Variants in CPNE4 observed in about 807,000 individuals in gnomAD.
CPNE4 encodes copine 4, also known as copine-4.
A neutral mutation model predicts 67.9 loss-of-function variants in CPNE4; 25 were observed. That is an observed-to-expected ratio of 0.37 (90% confidence interval 0.27 to 0.51). The LOEUF is 0.51. Ranked by LOEUF, CPNE4 falls within the 20% of genes least tolerant of loss-of-function variation. The pLI is 0.93. For synonymous variants in CPNE4, 242 were observed against 244.9 expected, an observed-to-expected ratio of 0.99 and a Z score of 0.11; for missense variants, 464 against 690.8, an observed-to-expected ratio of 0.67 and a Z score of 3.68.
intron 2 of CPNE4, among the ~76,000 whole-genome samples, chr3:131,736,888 T>C (rs1443031672): frequency 6.6e-6 from 1 of 152,190 alleles, no homozygotes; most frequent in East Asian, 1.9e-4. Flanking sequence ...TCCTGATAAA[T>C]AAACAGGATT....
chr3:131,642,652 C>T (rs1440431592), intron 7 of CPNE4, among the ~76,000 whole-genome samples: 4 of 152,074 alleles, frequency 2.6e-5, no homozygotes, highest in Non-Finnish European at 5.9e-5. Flanking sequence ...GCAGTTACCC[C>T]CATGCTGCTG....
At chr3:131,944,770 G>A (rs1280674517) in intron 1 of CPNE4, among the ~76,000 whole-genome samples, 1 of 151,674 alleles carries the variant, frequency 6.6e-6, no homozygotes, top group Admixed American at 6.6e-5. Context: ...TTTCAGTGCT[G>A]GAAGTGTATA....
chr3:131,938,235 T>C (rs991227605), intron 1 of CPNE4, among the ~76,000 whole-genome samples: 1 of 151,972 alleles, frequency 6.6e-6, no homozygotes, highest in African/African-American at 2.4e-5. Context: ...TGTGCATATG[T>C]AGTCTCAGTT....
intron 2 of CPNE4, among the ~76,000 whole-genome samples, chr3:131,880,790 C>T (rs2087644683): frequency 6.6e-6 from 1 of 152,208 alleles, no homozygotes. Flanking sequence ...ACATTGCAAA[C>T]ATTAAGTACC....
intron 7 of CPNE4, among the ~76,000 whole-genome samples, chr3:131,599,074 C>T (rs909832976): frequency 1.3e-5 from 2 of 152,068 alleles, no homozygotes; most frequent in Non-Finnish European, 2.9e-5. Context: ...AGCTCTTAGG[C>T]AAATACATAT....
chr3:131,557,446 C>G (rs2107654092), intron 11 of CPNE4, among the ~76,000 whole-genome samples: 1 of 152,148 alleles, frequency 6.6e-6, no homozygotes, highest in South Asian at 2.1e-4. Flanking sequence ...TGATTAAGAG[C>G]TCATTACTAG....
chr3:131,542,634 C>T lies in CPNE4; in HGVS notation c.1462G>A (p.Gly488Arg), dbSNP rs1383463743. The T allele has an allele frequency of 4.3e-6, 7 of 1,614,080 alleles. No individual in the cohort carries two copies. ...SDMQMLDGDDGILRSPKGEPV... is the reference protein window; with the variant it reads ...SDMQMLDGDDRILRSPKGEPV... Reference sequence around the variant, plus strand: ...TCTCCCTTGGGTGACCTCAGAATCCCATCATCACCGTCCAGCATCTGCATG... The same window carrying T: ...TCTCCCTTGGGTGACCTCAGAATCCTATCATCACCGTCCAGCATCTGCATG... Residue 488 changes from glycine to arginine, a missense_variant, in exon 15 of 16, where the codon GGG becomes AGG. Gly to Arg is a moderately radical substitution (Grantham distance 125). Coordinates refer to ENST00000429747, the MANE Select transcript of CPNE4 (RefSeq NM_130808.3).
At chr3:131,567,305 T>C (rs1937108653) in intron 10 of CPNE4, among the ~76,000 whole-genome samples, 1 of 152,100 alleles carries the variant, frequency 6.6e-6, no homozygotes, top group East Asian at 1.9e-4. Context: ...AGTGGCAGCA[T>C]CTGAGCCAGA....
Position 131,696,633 on chromosome 3 carries a change from A to G in CPNE4, c.433-17T>C. ...AGCAATCACCTAAAGGAAAAAGCAC[A>G]CATCAGCTGCAATAGAGGGTGAACT... On this transcript the variant is annotated splice_polypyrimidine_tract_variant and intron_variant, in intron 4 of 15. Transcript: ENST00000429747. 9.3e-6 allele frequency: 15 copies of G among 1,612,720 alleles called. No individual in the cohort carries two copies. Among genetic ancestry groups the G allele is most frequent in the Non-Finnish European group, 1.3e-5 (15 of 1,178,730 alleles).
chr3:131,599,846 C>T (rs1253041682), intron 7 of CPNE4, among the ~76,000 whole-genome samples: 3 of 152,212 alleles, frequency 2.0e-5, no homozygotes, highest in African/African-American at 7.2e-5. Flanking sequence ...TCCCCAGGCT[C>T]TGTCTCCACA....
chr3:131,840,211 CAATT>C (rs2085720167), intron 2 of CPNE4, among the ~76,000 whole-genome samples: 1 of 152,156 alleles, frequency 6.6e-6, no homozygotes, highest in Non-Finnish European at 1.5e-5. Flanking sequence ...ATAATTTTCT[CAATT>C]AGTTTCCAAT....
chr3:131,972,296 A>C (rs1024493686), intron 1 of CPNE4, among the ~76,000 whole-genome samples: 3 of 152,140 alleles, frequency 2.0e-5, no homozygotes, highest in Non-Finnish European at 4.4e-5. Flanking sequence ...TATGACTGAA[A>C]GTCTATAGTT....
At chr3:131,620,528 T>A (rs975291331) in intron 7 of CPNE4, 11 of 896,996 alleles carry the variant, frequency 1.2e-5, no homozygotes, top group South Asian at 1.0e-4. Context: ...TCCTCAAGTA[T>A]GTCCATACCC....
chr3:131,754,659 C>T (rs561358326), intron 2 of CPNE4, among the ~76,000 whole-genome samples: 1 of 152,164 alleles, frequency 6.6e-6, no homozygotes, highest in East Asian at 1.9e-4. Context: ...AAATGTGTAA[C>T]ACTGAACCTG....
At chr3:131,569,535 G>T (rs1338245333) in intron 10 of CPNE4, among the ~76,000 whole-genome samples, 1 of 151,816 alleles carries the variant, frequency 6.6e-6, no homozygotes, top group Non-Finnish European at 1.5e-5. Flanking sequence ...CTACTCAGGA[G>T]GCTGAGGCAA....
chr3:131,762,651 C>T lies in CPNE4; in HGVS notation c.181-39026G>A, dbSNP rs79948095. Among the ~76,000 whole-genome samples, 998 of 152,150 alleles carry T rather than the reference C, an allele frequency of 6.6e-3. 11 individuals carry two copies. The highest frequency in any genetic ancestry group is 0.023 in the African/African-American group (942 of 41,544). ...AACCAGAATAGGAGAGAGCTGACAT[C>T]TGAGCAATATTAAGTAAGAATTCTA... On this transcript the variant is annotated intron_variant, in intron 2 of 15. Coordinates refer to ENST00000429747, the MANE Select transcript of CPNE4 (RefSeq NM_130808.3).
At chr3:131,617,215 G>C (rs1231412390) in intron 7 of CPNE4, among the ~76,000 whole-genome samples, 1 of 152,172 alleles carries the variant, frequency 6.6e-6, no homozygotes, top group Non-Finnish European at 1.5e-5. Flanking sequence ...AGAAAACTAA[G>C]GTTGTGGAAG....
chr3:131,629,655 G>A (rs560094206), intron 7 of CPNE4, among the ~76,000 whole-genome samples: 99 of 152,276 alleles, frequency 6.5e-4, no homozygotes, highest in Non-Finnish European at 1.2e-3. Context: ...ATGTTGGCCA[G>A]GCTGGTCTCG....
chr3:131,684,788 T>A (rs1378210865), intron 6 of CPNE4, among the ~76,000 whole-genome samples: 2 of 152,216 alleles, frequency 1.3e-5, no homozygotes, highest in Non-Finnish European at 2.9e-5. Flanking sequence ...ACCTCACTCC[T>A]ACAAAATCCC....
Sources: allele counts gnomAD v4.1 joint callset (sites outside exome capture counted in the v4.1 genomes callset), GRCh38; gene constraint gnomAD v4.1.1; transcripts MANE v1.5; gene names NCBI Gene and HGNC (gene_info 2026-07-23, HGNC 2026-07-21).